Variants in KSR2 observed in about 807,000 individuals in gnomAD.
The protein encoded by KSR2 is kinase suppressor of ras 2.
KSR2 carries 25 observed loss-of-function variants against 107.8 expected under a neutral mutation model. The observed-to-expected ratio is 0.23, with a 90% confidence interval of 0.17 to 0.32. The LOEUF is 0.32. Among genes scored for constraint, KSR2 ranks in the 10% least tolerant of loss-of-function variants. KSR2 has a pLI of 1.00. For synonymous variants in KSR2, 480 were observed against 507.0 expected (o/e 0.95, Z 0.71); for missense variants, 887 against 1,268.9 (o/e 0.70, Z 4.57).
intron 8 of KSR2, among the ~76,000 whole-genome samples, chr12:117,556,846 G>T (rs926059228): frequency 1.3e-5 from 2 of 152,174 alleles, no homozygotes; most frequent in Non-Finnish European, 2.9e-5. Context: ...GACTTTAAAA[G>T]ATTTTAATAA....
chr12:117,591,414 C>A (rs371894108), intron 5 of KSR2, among the ~76,000 whole-genome samples: 1 of 151,984 alleles, frequency 6.6e-6, no homozygotes, highest in African/African-American at 2.4e-5. Flanking sequence ...TAAAGCGGCA[C>A]GACATAGCTG....
chr12:117,586,963 A>G (rs945538324), intron 5 of KSR2, among the ~76,000 whole-genome samples: 4 of 152,210 alleles, frequency 2.6e-5, no homozygotes, highest in African/African-American at 9.6e-5. Context: ...GCAATATGCA[A>G]TTGTCTAGAG....
chr12:117,793,890 A>T (rs1231841467), intron 3 of KSR2, among the ~76,000 whole-genome samples: 2 of 145,452 alleles, frequency 1.4e-5, no homozygotes, highest in African/African-American at 5.1e-5. Context: ...TACAACATGC[A>T]CACACCAACA....
Position 117,531,682 on chromosome 12 carries a change from C to T in KSR2, c.1713G>A (p.Gln571=). The T allele has an allele frequency of 6.2e-7, 1 of 1,603,400 alleles. No homozygotes were observed. The highest frequency in any genetic ancestry group is 8.5e-7 in the Non-Finnish European group (1 of 1,175,600). ...GAAACTCACCTGGGAAGATGAACTG[C>T]TGCTTGTATTTGTAGTAGTGGGATG... ...LPASHYYKYK[Q]QFIFPDVVPV... The change falls in exon 11 of 20, where the codon CAG becomes CAA. Residue 571 remains glutamine, a synonymous_variant. Coordinates refer to ENST00000339824, the MANE Select transcript of KSR2 (RefSeq NM_173598.6).
At chr12:117,541,423 A>G (rs1411693984) in intron 9 of KSR2, among the ~76,000 whole-genome samples, 1 of 152,206 alleles carries the variant, frequency 6.6e-6, no homozygotes, top group Admixed American at 6.5e-5. Context: ...TGAAGCTTGA[A>G]AAGCTTTTCA....
chr12:117,875,688 G>T (rs12308535), intron 1 of KSR2, among the ~76,000 whole-genome samples: 31,182 of 152,030 alleles, frequency 0.21, 4,796 homozygotes, highest in East Asian at 0.5. Flanking sequence ...TCCCACCGGC[G>T]AGAGCTCTTC....
At chr12:117,519,785 TGTGTGTGTGTGCAC>T (rs1354889864) in intron 14 of KSR2, among the ~76,000 whole-genome samples, 2 of 150,798 alleles carry the variant, frequency 1.3e-5, no homozygotes, top group South Asian at 2.1e-4. Context: ...TGTGTGTGCG[TGTGTGTGTGTGCAC>T]GTGTGTGTGT....
At chr12:117,957,600 C>A (rs1034645461) in intron 1 of KSR2, among the ~76,000 whole-genome samples, 1 of 152,076 alleles carries the variant, frequency 6.6e-6, no homozygotes, top group African/African-American at 2.4e-5. Context: ...AGGAAATGAC[C>A]CATTCTCTGG....
intron 3 of KSR2, among the ~76,000 whole-genome samples, chr12:117,779,248 G>A (rs1214837524): frequency 1.3e-5 from 2 of 152,200 alleles, no homozygotes; most frequent in Admixed American, 6.5e-5. Context: ...GCAGACAACT[G>A]CATGGGCACC....
chr12:117,869,910 T>C (rs1276082907), intron 1 of KSR2, among the ~76,000 whole-genome samples: 1 of 152,248 alleles, frequency 6.6e-6, no homozygotes, highest in African/African-American at 2.4e-5. Flanking sequence ...TTGTTCCTTT[T>C]AATCCATGTG....
rs1008907600 is a variant in KSR2, at chr12:117,897,180, C to T, written c.181-36749G>A. Among the ~76,000 whole-genome samples the T allele has an allele frequency of 7.2e-5, 11 of 152,212 alleles. No homozygotes were observed. The highest frequency in any genetic ancestry group is 2.7e-4 in the African/African-American group (11 of 41,444). On this transcript the variant is annotated intron_variant, in intron 1 of 19. Coordinates refer to ENST00000339824, the MANE Select transcript of KSR2 (RefSeq NM_173598.6). This position sits in a 1 kb window ranked among gnomAD's most constrained non-coding sequence, Gnocchi z 4.5. ...GAATTATTGTTTCATTAACATCCAG[C>T]TCCCAAGCTGTGACAGATGCCAGTT...
chr12:117,918,516 C>T (rs186662935), intron 1 of KSR2, among the ~76,000 whole-genome samples: 90 of 152,180 alleles, frequency 5.9e-4, no homozygotes, highest in African/African-American at 1.9e-3. Context: ...TGGCCAGGCG[C>T]GGTGGCTCAC....
Position 117,866,552 on chromosome 12 carries a change from G to C in KSR2, c.181-6121C>G, listed in dbSNP as rs531588724. On this transcript the variant is annotated intron_variant, in intron 1 of 19. Coordinates refer to ENST00000339824, the MANE Select transcript of KSR2 (RefSeq NM_173598.6). ...GTTAAAAAATTGAGTTGATTCGGCC[G>C]GACACAGTGGCTCACGCCTATAATC... 3.9e-5 allele frequency among the ~76,000 whole-genome samples: 6 copies of C among 152,258 alleles called. No individual in the cohort carries two copies. The East Asian group carries it at 1.2e-3, about 29-fold the overall frequency.
intron 4 of KSR2, among the ~76,000 whole-genome samples, chr12:117,737,566 T>C (rs1057233536): frequency 2.0e-5 from 3 of 152,142 alleles, no homozygotes; most frequent in Admixed American, 6.5e-5. Context: ...CCAGATCACT[T>C]GAGGTCAGGA....
chr12:117,870,822 C>T (rs1288321213), intron 1 of KSR2, among the ~76,000 whole-genome samples: 1 of 152,036 alleles, frequency 6.6e-6, no homozygotes, highest in Admixed American at 6.6e-5. Context: ...GTAAAGGAGA[C>T]AAGTGGGGAC....
intron 5 of KSR2, among the ~76,000 whole-genome samples, chr12:117,634,414 G>C (rs958156725): frequency 2.7e-4 from 41 of 152,056 alleles, no homozygotes; most frequent in African/African-American, 9.7e-4. Context: ...AGTCTACCTG[G>C]CCCTCCTCAA....
At chr12:117,589,819 G>A (rs905559251) in intron 5 of KSR2, among the ~76,000 whole-genome samples, 2 of 152,194 alleles carry the variant, frequency 1.3e-5, no homozygotes, top group Admixed American at 6.5e-5. Flanking sequence ...TGATGCTTCA[G>A]GGCCAAGTGC....
chr12:117,805,949 T>C (rs564875406), intron 3 of KSR2, among the ~76,000 whole-genome samples: 32 of 152,078 alleles, frequency 2.1e-4, no homozygotes, highest in African/African-American at 7.2e-4. Context: ...GCCACTGCAC[T>C]CCAGCCTAGG....
chr12:117,677,182 C>T (rs1270021327), intron 4 of KSR2: 2 of 152,214 alleles, frequency 1.3e-5, no homozygotes, highest in African/African-American at 4.8e-5. Flanking sequence ...AAGACATTCT[C>T]TTGGTTCTCA....
Sources: gnomAD v4.1 joint callset for allele counts (sites outside exome capture counted in the v4.1 genomes callset) on GRCh38, gnomAD v4.1.1 for gene constraint, Gnocchi (gnomAD v3.1) non-coding constraint, MANE v1.5 for transcripts, NCBI Gene and HGNC (gene_info 2026-07-23, HGNC 2026-07-21) for gene names.